The following EPB41L4A variants were observed in gnomAD, a reference collection of about 807,000 sequenced individuals.
EPB41L4A encodes erythrocyte membrane protein band 4.1 like 4A.
A neutral mutation model predicts 108.6 loss-of-function variants in EPB41L4A; 100 were observed. The ratio of observed to expected loss-of-function variants is 0.92; its 90% confidence interval spans 0.78 to 1.09. The LOEUF (loss-of-function observed/expected upper bound fraction) is 1.09, where lower values mean the gene tolerates loss of function less well. Among genes scored for constraint, EPB41L4A ranks in the 50% least tolerant of loss-of-function variants. The pLI is 0.00. For synonymous variants in EPB41L4A, 319 were observed against 289.0 expected, an observed-to-expected ratio of 1.10 and a Z score of -1.05; for missense variants, 1,030 against 842.7, an observed-to-expected ratio of 1.22 and a Z score of -2.75.
intron 1 of EPB41L4A, among the ~76,000 whole-genome samples, chr5:112,408,927 T>G (rs1181269226): frequency 6.6e-6 from 1 of 152,016 alleles, no homozygotes; most frequent in Non-Finnish European, 1.5e-5. Context: ...CTCAAACTGT[T>G]AAACTTTATG....
intron 12 of EPB41L4A, among the ~76,000 whole-genome samples, chr5:112,156,126 C>T (rs899150681): frequency 2.0e-5 from 3 of 151,790 alleles, no homozygotes; most frequent in Admixed American, 2.0e-4. Flanking sequence ...AAAAAGAACC[C>T]ATATGTTCAT....
At chr5:112,248,952 T>TC (rs1750441323) in intron 9 of EPB41L4A, among the ~76,000 whole-genome samples, 1 of 152,066 alleles carries the variant, frequency 6.6e-6, no homozygotes, top group Non-Finnish European at 1.5e-5. Flanking sequence ...CAGTCTACCT[T>TC]CCCCAGGCTC....
At chr5:112,393,300 G>T (rs554678958) in intron 1 of EPB41L4A, among the ~76,000 whole-genome samples, 1 of 152,084 alleles carries the variant, frequency 6.6e-6, no homozygotes, top group African/African-American at 2.4e-5. Flanking sequence ...ATGAATCCAG[G>T]AGCTGGTTTT....
intron 2 of EPB41L4A, among the ~76,000 whole-genome samples, chr5:112,303,339 G>T (rs146549123): frequency 6.6e-6 from 1 of 152,116 alleles, no homozygotes; most frequent in African/African-American, 2.4e-5. Flanking sequence ...GTACTCGGGG[G>T]CAGGGAAGAG....
At chr5:112,319,446 G>A (rs971314227) in intron 1 of EPB41L4A, among the ~76,000 whole-genome samples, 1 of 152,186 alleles carries the variant, frequency 6.6e-6, no homozygotes, top group Non-Finnish European at 1.5e-5. Context: ...AAGTACAACT[G>A]ATTTGGTCAA....
intron 1 of EPB41L4A, among the ~76,000 whole-genome samples, chr5:112,382,123 C>A (rs1760212485): frequency 6.6e-6 from 1 of 152,152 alleles, no homozygotes; most frequent in Non-Finnish European, 1.5e-5. Context: ...CGTGATATAA[C>A]TTAACATCCA....
intron 1 of EPB41L4A, among the ~76,000 whole-genome samples, chr5:112,309,244 T>C (rs988344966): frequency 6.6e-6 from 1 of 152,220 alleles, no homozygotes; most frequent in African/African-American, 2.4e-5. Context: ...CAGTATTCTA[T>C]CTCATGGGTT....
intron 12 of EPB41L4A, among the ~76,000 whole-genome samples, chr5:112,225,087 T>C (rs1748360224): frequency 6.6e-6 from 1 of 152,230 alleles, no homozygotes; most frequent in African/African-American, 2.4e-5. Flanking sequence ...ACCCTCTCTT[T>C]TCCCAAACAT....
chr5:112,338,792 T>C (rs1246334816), intron 1 of EPB41L4A, among the ~76,000 whole-genome samples: 2 of 152,190 alleles, frequency 1.3e-5, no homozygotes, highest in Non-Finnish European at 1.5e-5. Flanking sequence ...ACGTCCACTA[T>C]TGTTTTACAC....
chr5:112,227,184 G>A (rs1748520861), intron 12 of EPB41L4A, among the ~76,000 whole-genome samples: 1 of 152,056 alleles, frequency 6.6e-6, no homozygotes, highest in Non-Finnish European at 1.5e-5. Context: ...TATACTGAAT[G>A]TTCTAGATTT....
At chr5:112,322,854 G>A (rs1755895514) in intron 1 of EPB41L4A, among the ~76,000 whole-genome samples, 1 of 152,018 alleles carries the variant, frequency 6.6e-6, no homozygotes, top group Non-Finnish European at 1.5e-5. Flanking sequence ...AACAACCCAT[G>A]TAAGGGGTCT....
intron 4 of EPB41L4A, among the ~76,000 whole-genome samples, chr5:112,274,432 AG>A: frequency 6.6e-6 from 1 of 152,340 alleles, no homozygotes; most frequent in South Asian, 2.1e-4. Context: ...GGGATGAAAA[AG>A]GTCCAATTAG....
At chr5:112,320,283 C>G (rs1005683115) in intron 1 of EPB41L4A, among the ~76,000 whole-genome samples, 1 of 152,252 alleles carries the variant, frequency 6.6e-6, no homozygotes, top group South Asian at 2.1e-4. Context: ...AAGGAGAAGG[C>G]TGTGACCCAC....
At chr5:112,175,626 C>T (rs1293207814) in intron 18 of EPB41L4A, 1 of 151,888 alleles carries the variant, frequency 6.6e-6, no homozygotes, top group Non-Finnish European at 1.5e-5. Flanking sequence ...CAGTGGTTTA[C>T]TGTACATCTG....
intron 3 of EPB41L4A, among the ~76,000 whole-genome samples, chr5:112,276,735 T>A (rs1458404206): frequency 1.3e-5 from 2 of 152,146 alleles, no homozygotes; most frequent in Non-Finnish European, 2.9e-5. Context: ...TGAACAAGAA[T>A]AAAGGTATCA....
intron 1 of EPB41L4A, among the ~76,000 whole-genome samples, chr5:112,380,792 T>TACACACACACAC (rs34831455): frequency 4.7e-4 from 67 of 141,212 alleles, no homozygotes; most frequent in African/African-American, 1.7e-3. Flanking sequence ...ATCACACACA[T>TACACACACACAC]ACACACACAC....
intron 9 of EPB41L4A, among the ~76,000 whole-genome samples, chr5:112,242,120 G>C (rs774818524): frequency 7.9e-5 from 12 of 152,114 alleles, no homozygotes; most frequent in Non-Finnish European, 1.6e-4. Flanking sequence ...CTTAAAATGA[G>C]ACAACAATGA....
intron 12 of EPB41L4A, among the ~76,000 whole-genome samples, chr5:112,214,268 C>A (rs1747446916): frequency 6.6e-6 from 1 of 152,100 alleles, no homozygotes; most frequent in Non-Finnish European, 1.5e-5. Flanking sequence ...AAAGGAAAGA[C>A]CAAATATTAA....
chr5:112,375,557 T>C (rs1021755364), intron 1 of EPB41L4A, among the ~76,000 whole-genome samples: 5 of 152,128 alleles, frequency 3.3e-5, no homozygotes, highest in Non-Finnish European at 7.4e-5. Context: ...GATAAAGCTT[T>C]TAATGCAGCC....
Sources: allele counts gnomAD v4.1 joint callset (sites outside exome capture counted in the v4.1 genomes callset), GRCh38; gene constraint gnomAD v4.1.1; transcripts MANE v1.5; gene names NCBI Gene and HGNC (gene_info 2026-07-23, HGNC 2026-07-21).